Variants in MYO7B observed in about 807,000 individuals in gnomAD.
MYO7B encodes unconventional myosin-VIIb.
In MYO7B, 212 loss-of-function variants were observed where a neutral mutation model predicts 259.7. That is an observed-to-expected ratio of 0.82 (90% CI 0.73 to 0.91). The LOEUF is 0.91. Ranked by LOEUF, MYO7B falls within the 40% of genes least tolerant of loss-of-function variation. The probability of loss-of-function intolerance (pLI) is 0.00; values close to 1 mark genes in which losing one functional copy is unlikely to be tolerated. For synonymous variants in MYO7B, 1,197 were observed against 1,166.4 expected, an observed-to-expected ratio of 1.03 and a Z score of -0.54; for missense variants, 2,732 against 2,813.5, an observed-to-expected ratio of 0.97 and a Z score of 0.66.
At chr2:127,566,355 G>A (rs1573629094) in intron 4 of MYO7B, among the ~76,000 whole-genome samples, 1 of 152,302 alleles carries the variant, frequency 6.6e-6, no homozygotes, top group South Asian at 2.1e-4. Flanking sequence ...CATTTTTATC[G>A]AGCCCCTTCT....
At chr2:127,572,432 G>T (rs1258471306) in intron 6 of MYO7B, among the ~76,000 whole-genome samples, 1 of 93,140 alleles carries the variant, frequency 1.1e-5, no homozygotes, top group Admixed American at 1.1e-4. Flanking sequence ...AAAAAAAAAA[G>T]ACTTTTCTGT....
Position 127,590,178 on chromosome 2 carries a change from C to T in MYO7B, c.1941C>T (p.Cys647=). 1.2e-6 allele frequency: 2 copies of T among 1,612,844 alleles called. No individual in the cohort carries two copies. The highest frequency in any genetic ancestry group is 2.2e-5 in the East Asian group (1 of 44,892). ...LDQLMKILTN[C]QPYFIRCIKP... Reference sequence around the variant, plus strand: ...AGCTGATGAAAATCCTGACCAACTGCCAGCCTTACTTCATCCGCTGCATCA... The same window carrying T: ...AGCTGATGAAAATCCTGACCAACTGTCAGCCTTACTTCATCCGCTGCATCA... The change falls in exon 16 of 48, where the codon TGC becomes TGT. Residue 647 remains cysteine (C), a synonymous_variant. Transcript: ENST00000409816. The surrounding 1 kb of genome is among the most constrained non-coding windows in gnomAD (Gnocchi z 4.6).
chr2:127,542,481 G>T (rs1693042738), intron 1 of MYO7B, among the ~76,000 whole-genome samples: 1 of 152,214 alleles, frequency 6.6e-6, no homozygotes. Context: ...TGTGCAGATG[G>T]TCATCACTGT....
rs200761772 is a variant in MYO7B at position 127,607,258 on chromosome 2, C to A, written c.2477C>A (p.Ala826Glu). 6.4e-7 allele frequency: 1 copy of A among 1,550,954 alleles called. No homozygotes were observed. Among genetic ancestry groups the A allele is most frequent in the East Asian group, 2.4e-5 (1 of 40,942 alleles). ...GCTATTGCCCGGAGCCAGCCGCTGG[C>A]GAGGCAGTACCAGGCCATGCGGCAG... is the stretch of plus-strand genomic sequence containing the variant. ...LQAIARSQPLARQYQAMRQRT... is the reference protein window; with the variant it reads ...LQAIARSQPLERQYQAMRQRT... The change falls in exon 21 of 48, where the codon GCG (alanine) becomes GAG (glutamate). Residue 826 changes from alanine (A) to glutamate (E), a missense_variant. Ala to Glu is a moderately radical substitution (Grantham distance 107). Coordinates refer to ENST00000409816, the MANE Select transcript of MYO7B (RefSeq NM_001393586.1). This position sits in a 1 kb window ranked among gnomAD's most constrained non-coding sequence, Gnocchi z 4.4.
intron 26 of MYO7B, among the ~76,000 whole-genome samples, chr2:127,616,919 G>T (rs572638372): frequency 1.3e-5 from 2 of 152,330 alleles, no homozygotes; most frequent in South Asian, 4.1e-4. Context: ...TTTCTGTTGG[G>T]AGGGGAACCG....
chr2:127,635,124 C>A lies in MYO7B; in HGVS notation c.5718C>A (p.Ala1906=). 1 of 1,611,880 alleles carries A rather than the reference C, an allele frequency of 6.2e-7. No homozygotes were observed. The highest frequency in any genetic ancestry group is 8.5e-7 in the Non-Finnish European group (1 of 1,179,170). ...CCACTGCTGGCCCTCGCCCAGGGGC[C>A]CCCGTGACGCTCCCCTACCAGGTGT... The part of the protein sequence containing the change: ...VKKNKPQKEG[A]PVTLPYQVYF... The change falls in exon 43 of 48, where the codon GCC becomes GCA. Residue 1906 remains alanine, a synonymous_variant. Transcript: ENST00000409816.
chr2:127,618,381 C>T (rs1680672941), intron 26 of MYO7B, among the ~76,000 whole-genome samples: 1 of 152,118 alleles, frequency 6.6e-6, no homozygotes, highest in Non-Finnish European at 1.5e-5. Context: ...CTTCTTCAGC[C>T]CTTAGTATTT....
rs1680497572 is a variant in MYO7B, at chr2:127,614,447, C to T, written c.3398+1844C>T. Among the ~76,000 whole-genome samples the T allele has an allele frequency of 6.6e-6, 1 of 152,140 alleles. No individual in the cohort carries two copies. Among genetic ancestry groups the T allele is most frequent in the South Asian group, 2.1e-4 (1 of 4,830 alleles). On this transcript the variant is annotated intron_variant, in intron 26 of 47. Coordinates refer to ENST00000409816, the MANE Select transcript of MYO7B (RefSeq NM_001393586.1). This position sits in a 1 kb window ranked among gnomAD's most constrained non-coding sequence, Gnocchi z 4.6. ...TACATGTACAGCTCCCATCTCCTGT[C>T]CTCTCTCCTCCTTGCCCATCAGGAT... is the stretch of plus-strand genomic sequence containing the variant.
chr2:127,618,330 G>T (rs60121253), intron 26 of MYO7B, among the ~76,000 whole-genome samples: 2 of 152,286 alleles, frequency 1.3e-5, no homozygotes, highest in South Asian at 2.1e-4. Context: ...AAGAAAAAGG[G>T]CTCCCTACTC....
intron 19 of MYO7B, among the ~76,000 whole-genome samples, chr2:127,599,183 A>G (rs1437751625): frequency 2.6e-5 from 4 of 152,248 alleles, no homozygotes; most frequent in African/African-American, 9.6e-5. Context: ...CTTCCAATCC[A>G]TAAACATGAT....
chr2:127,587,090 C>T (rs1358257343), intron 14 of MYO7B, among the ~76,000 whole-genome samples: 3 of 152,178 alleles, frequency 2.0e-5, no homozygotes, highest in Admixed American at 2.0e-4. Flanking sequence ...CAGAGCATAC[C>T]ACTAAAAGCT....
Position 127,635,879 on chromosome 2 carries a change from G to C in MYO7B, c.5978G>C (p.Arg1993Pro), listed in dbSNP as rs542989830. ...LRELVPENLT[R>P]LMSSEEWKKS... is the part of the protein sequence containing the mutation. ...GAACTGGTGCCTGAGAACCTCACAC[G>C]CCTGATGTCCTCGGAGGAGTGGAAA... is the stretch of plus-strand genomic sequence containing the variant. Residue 1993 changes from arginine (R) to proline (P), a missense_variant, in exon 44 of 48, where the codon CGC becomes CCC. Around this residue, in one of 3 missense-constraint regions of MYO7B, gnomAD observed 821 missense variants for 769.3 expected, o/e 1.07. Coordinates refer to ENST00000409816, the MANE Select transcript of MYO7B (RefSeq NM_001393586.1). 6.3e-7 allele frequency: 1 copy of C among 1,580,448 alleles called. No individual in the cohort carries two copies. Among genetic ancestry groups the C allele is most frequent in the African/African-American group, 1.3e-5 (1 of 74,138 alleles).
At chr2:127,606,552 C>G (rs1680161493) in intron 20 of MYO7B, among the ~76,000 whole-genome samples, 1 of 152,158 alleles carries the variant, frequency 6.6e-6, no homozygotes, top group Non-Finnish European at 1.5e-5. Flanking sequence ...AATATTAAAC[C>G]AACTCTGTAC....
chr2:127,635,403 G>A, intron 43 of MYO7B, 177 bp downstream of exon 43: 1 of 652,524 alleles, frequency 1.5e-6, no homozygotes, highest in South Asian at 1.9e-5. Context: ...GGGCAGCAAT[G>A]TTTGGGGACA....
At chr2:127,603,600 G>A (rs1434305349) in intron 19 of MYO7B, among the ~76,000 whole-genome samples, 1 of 152,146 alleles carries the variant, frequency 6.6e-6, no homozygotes, top group Admixed American at 6.5e-5. Flanking sequence ...AGGCTTTGTT[G>A]TTTCATTTCT....
At chr2:127,554,374 G>A (rs1433473587) in intron 1 of MYO7B, among the ~76,000 whole-genome samples, 4 of 152,126 alleles carry the variant, frequency 2.6e-5, no homozygotes, top group Admixed American at 1.3e-4. Context: ...GTGCCCGGAC[G>A]TATCACATTT....
chr2:127,636,689 G>C lies in MYO7B; in HGVS notation c.6207+61G>C. 1 of 1,607,616 alleles carries C rather than the reference G, an allele frequency of 6.2e-7. No individual in the cohort carries two copies. Among genetic ancestry groups the C allele is most frequent in the Non-Finnish European group, 8.5e-7 (1 of 1,176,716 alleles). ...CAGGTCCAGGGACCTGTGCAGGTGG[G>C]GCTGCAGTCATCTCTGCGGTGTGTC... On this transcript the variant is annotated intron_variant, in intron 46 of 47. Transcript: ENST00000409816. The surrounding 1 kb of genome is among the most constrained non-coding windows in gnomAD (Gnocchi z 4.5).
Position 127,597,383 on chromosome 2 carries a change from C to A in MYO7B, c.2339+827C>A, listed in dbSNP as rs995112454. Among the ~76,000 whole-genome samples, 1 of 152,198 alleles carries A rather than the reference C, an allele frequency of 6.6e-6. No homozygotes were observed. The highest frequency in any genetic ancestry group is 2.1e-4 in the South Asian group (1 of 4,834). On this transcript the variant is annotated intron_variant, in intron 19 of 47. Transcript: ENST00000409816. This position sits in a 1 kb window ranked among gnomAD's most constrained non-coding sequence, Gnocchi z 4.8. The stretch of plus-strand genomic sequence containing the variant: ...TCTTCACCCATTTCCCCCAGTGGAA[C>A]GTCTTACCACCAGGATTCCTTCTGC...
At chr2:127,540,591 G>A (rs941999948) in intron 1 of MYO7B, among the ~76,000 whole-genome samples, 1 of 152,176 alleles carries the variant, frequency 6.6e-6, no homozygotes, top group Non-Finnish European at 1.5e-5. Context: ...CCCACCAGCG[G>A]TGAAAAAGTG....
Sources: gnomAD v4.1 joint callset for allele counts (sites outside exome capture counted in the v4.1 genomes callset) on GRCh38, gnomAD v4.1.1 for gene constraint, gnomAD v4.1.1 regional missense constraint, Gnocchi (gnomAD v3.1) non-coding constraint, MANE v1.5 for transcripts, NCBI Gene and HGNC (gene_info 2026-07-23, HGNC 2026-07-21) for gene names.